Variants in MKNK1 observed in about 807,000 individuals in gnomAD.
The protein encoded by MKNK1 is MAPK interacting serine/threonine kinase 1.
MKNK1 carries 30 observed loss-of-function variants against 49.3 expected under a neutral mutation model. That is an observed-to-expected ratio of 0.61 (90% CI 0.46 to 0.83). The LOEUF (loss-of-function observed/expected upper bound fraction) is 0.83, where lower values mean the gene tolerates loss of function less well. Among genes scored for constraint, MKNK1 ranks in the 40% least tolerant of loss-of-function variants. The pLI is 0.00. For synonymous variants in MKNK1, 176 were observed against 201.7 expected, an observed-to-expected ratio of 0.87 and a Z score of 1.08; for missense variants, 423 against 524.7, an observed-to-expected ratio of 0.81 and a Z score of 1.89.
At chr1:46,597,404 CATCT>C (rs1346514566) in intron 1 of MKNK1, among the ~76,000 whole-genome samples, 1 of 152,050 alleles carries the variant, frequency 6.6e-6, no homozygotes, top group Non-Finnish European at 1.5e-5. Context: ...AGGTTTATGG[CATCT>C]CTACCCTTGG....
chr1:46,563,146 C>G, intron 9 of MKNK1: 1 of 343,304 alleles, frequency 2.9e-6, no homozygotes, highest in Non-Finnish European at 5.2e-6. Flanking sequence ...CTTCAGCTTC[C>G]TATAAACAGA....
intron 8 of MKNK1, among the ~76,000 whole-genome samples, chr1:46,566,414 G>A (rs1387859445): frequency 6.6e-6 from 1 of 152,180 alleles, no homozygotes; most frequent in Non-Finnish European, 1.5e-5. Context: ...ATGACCACTT[G>A]AGTTGTCTCT....
chr1:46,594,795 G>C lies in MKNK1; in HGVS notation c.-170-515C>G, dbSNP rs191996949. 622 of 357,912 alleles carry C rather than the reference G, an allele frequency of 1.7e-3. 2 individuals are homozygous for C. Among genetic ancestry groups the C allele is most frequent in the African/African-American group, 0.013 (571 of 45,648 alleles). The allele number at this position is 357,912 out of a possible 1,614,324, so 22.2% of individuals were successfully genotyped here. A position where few individuals can be genotyped will look rare whatever the true frequency, so the allele number is the denominator to read the frequency against. Reference sequence around the variant, plus strand: ...GGATTGACTGAGCTCAGAAGTTCAAGACCAGCCTGGGCAACATGGTGAAAC... The same window carrying C: ...GGATTGACTGAGCTCAGAAGTTCAACACCAGCCTGGGCAACATGGTGAAAC... On this transcript the variant is annotated intron_variant, in intron 1 of 12. Coordinates refer to ENST00000371945, the MANE Select transcript of MKNK1 (RefSeq NM_001135553.4).
rs1334659877 is a variant in MKNK1 at position 46,604,178 on chromosome 1, C to G, written c.-171+7G>C. ...TCGGAGGAATACCTCGCAGGTCTCG[C>G]TTTTACCTTCGCTGGCTCCCGCCGG... is the stretch of plus-strand genomic sequence containing the variant. On this transcript the variant is annotated splice_region_variant and intron_variant, in intron 1 of 12. Transcript: ENST00000371945. 6.6e-6 allele frequency: 1 copy of G among 152,314 alleles called. No homozygotes were observed. The highest frequency in any genetic ancestry group is 1.5e-5 in the Non-Finnish European group (1 of 68,098). 9.4% of individuals were successfully genotyped at this position (152,314 alleles called of 1,614,324 possible). A position where few individuals can be genotyped will look rare whatever the true frequency, so the allele number is the denominator to read the frequency against.
At chr1:46,568,928 TAA>T in intron 7 of MKNK1, 1 of 154,702 alleles carries the variant, frequency 6.5e-6, no homozygotes, top group Non-Finnish European at 1.4e-5. Flanking sequence ...GTGGCCGATT[TAA>T]AAAAAAAAAT....
intron 2 of MKNK1, 60 bp downstream of exon 2, chr1:46,594,053 T>C (rs1570316036): frequency 7.5e-7 from 1 of 1,324,658 alleles, no homozygotes; most frequent in Admixed American, 1.8e-5. Flanking sequence ...TCTGGATGTA[T>C]CAGATCATTT....
At chr1:46,565,538 C>A in intron 8 of MKNK1, 1 of 209,544 alleles carries the variant, frequency 4.8e-6, no homozygotes, top group Non-Finnish European at 9.8e-6. Flanking sequence ...AAACCTCTGA[C>A]CGCCTCAGGT....
intron 11 of MKNK1, 74 bp downstream of exon 11, chr1:46,561,404 T>C: frequency 6.7e-7 from 1 of 1,498,352 alleles, no homozygotes; most frequent in Non-Finnish European, 8.9e-7. Flanking sequence ...CAGCACTTGC[T>C]GGCATGACAG....
chr1:46,593,985 G>A lies in MKNK1; in HGVS notation c.-3+128C>T, dbSNP rs191224654. On this transcript the variant is annotated intron_variant, in intron 2 of 12. Transcript: ENST00000371945. The stretch of plus-strand genomic sequence containing the variant: ...ATCTGAGTCGTACCAGGGCAGCTCC[G>A]CTATTCCTAGCTAACTAACTAAGTG... 407 of 685,962 alleles carry A rather than the reference G, an allele frequency of 5.9e-4. 1 individual carries two copies. Among genetic ancestry groups the A allele is most frequent in the Middle Eastern group, 4.2e-3 (10 of 2,358 alleles). The allele number at this position is 685,962 out of a possible 1,614,324, so 42.5% of individuals were successfully genotyped here. A position where few individuals can be genotyped will look rare whatever the true frequency, so the allele number is the denominator to read the frequency against.
intron 4 of MKNK1, among the ~76,000 whole-genome samples, chr1:46,579,241 AAAG>A (rs946193186): frequency 2.6e-5 from 4 of 152,262 alleles, no homozygotes; most frequent in African/African-American, 9.6e-5. Context: ...AAGTTGGTTC[AAAG>A]AAGAGAAAAC....
intron 8 of MKNK1, among the ~76,000 whole-genome samples, chr1:46,565,858 T>G (rs958210139): frequency 6.6e-6 from 1 of 152,230 alleles, no homozygotes; most frequent in Admixed American, 6.5e-5. Flanking sequence ...CTGAGACCCA[T>G]GTCCTTGCCG....
intron 8 of MKNK1, among the ~76,000 whole-genome samples, chr1:46,567,564 C>A (rs906574230): frequency 6.6e-6 from 1 of 152,194 alleles, no homozygotes; most frequent in Non-Finnish European, 1.5e-5. Flanking sequence ...GTCACAAGAT[C>A]TTATTTGAGC....
intron 6 of MKNK1, among the ~76,000 whole-genome samples, chr1:46,572,819 C>T (rs77119477): frequency 6.6e-6 from 1 of 152,102 alleles, no homozygotes; most frequent in Non-Finnish European, 1.5e-5. Flanking sequence ...GCTGAGGGGG[C>T]CTTTCTGCAG....
At chr1:46,571,526 G>A (rs1670127513) in intron 7 of MKNK1, 2 of 439,868 alleles carry the variant, frequency 4.5e-6, no homozygotes. Context: ...CTAGGTGACA[G>A]AGAGAGACTT....
intron 2 of MKNK1, among the ~76,000 whole-genome samples, chr1:46,593,370 T>A (rs962424181): frequency 1.3e-5 from 2 of 152,138 alleles, no homozygotes; most frequent in Admixed American, 1.3e-4. Flanking sequence ...GGCCAGTTTT[T>A]AAATTCTTTG....
chr1:46,595,439 T>C (rs934428665), intron 1 of MKNK1, among the ~76,000 whole-genome samples: 105 of 152,100 alleles, frequency 6.9e-4, no homozygotes, highest in African/African-American at 2.5e-3. Context: ...TCCTCTGACT[T>C]CTCTTCTTCC....
intron 9 of MKNK1, 101 bp downstream of exon 9, chr1:46,564,940 G>GT: frequency 8.9e-7 from 1 of 1,117,710 alleles, no homozygotes; most frequent in Non-Finnish European, 1.3e-6. Context: ...AGGAAGATAG[G>GT]TCCACTTGGT....
intron 2 of MKNK1, chr1:46,586,037 T>A: frequency 6.5e-6 from 5 of 771,222 alleles, no homozygotes; most frequent in Non-Finnish European, 1.0e-5. Context: ...CTTCCCTGGT[T>A]ACACAGGGGG....
chr1:46,598,623 A>G (rs1674367377), intron 1 of MKNK1, among the ~76,000 whole-genome samples: 2 of 152,216 alleles, frequency 1.3e-5, no homozygotes, highest in African/African-American at 2.4e-5. Context: ...TTGTATCTCA[A>G]TTCTCATAAC....
Sources: gnomAD v4.1 joint callset for allele counts (sites outside exome capture counted in the v4.1 genomes callset) on GRCh38, gnomAD v4.1.1 for gene constraint, MANE v1.5 for transcripts, NCBI Gene and HGNC (gene_info 2026-07-23, HGNC 2026-07-21) for gene names.